EFCAB7: variants seen among roughly 807,000 people sequenced by gnomAD.
EFCAB7 encodes EF-hand calcium binding domain 7.
Under a neutral mutation model 77.1 loss-of-function variants are expected in EFCAB7, and 66 were observed. That is an observed-to-expected ratio of 0.86 (90% CI 0.70 to 1.05). The LOEUF is 1.05. Among genes scored for constraint, EFCAB7 ranks in the 50% least tolerant of loss-of-function variants. The probability of loss-of-function intolerance (pLI) is 0.00; values close to 1 mark genes in which losing one functional copy is unlikely to be tolerated. For synonymous variants in EFCAB7, 225 were observed against 243.3 expected (o/e 0.92, Z 0.70); for missense variants, 638 against 730.5 (o/e 0.87, Z 1.46).
the EFCAB7 span, among the ~76,000 whole-genome samples, chr1:63,579,352 C>T: frequency 6.6e-6 from 1 of 152,210 alleles, no homozygotes; most frequent in East Asian, 1.9e-4. Flanking sequence ...TCCTTTTATT[C>T]AGCATAATGC....
chr1:63,574,177 G>A (rs1484890732), downstream of EFCAB7, among the ~76,000 whole-genome samples: 1 of 151,784 alleles, frequency 6.6e-6, no homozygotes, highest in African/African-American at 2.4e-5. Flanking sequence ...GATGTGTAGG[G>A]AAGGGAGGGG....
chr1:63,532,993 T>G (rs745722695), intron 4 of EFCAB7, among the ~76,000 whole-genome samples: 1 of 152,124 alleles, frequency 6.6e-6, no homozygotes, highest in African/African-American at 2.4e-5. Flanking sequence ...ATATTGTGCA[T>G]GAAATTTAAT....
At chr1:63,583,938 C>CA in the EFCAB7 span, among the ~76,000 whole-genome samples, 18,346 of 82,344 alleles carry the variant, frequency 0.22, 1,959 homozygotes, top group Non-Finnish European at 0.26. Context: ...TGGATATGGC[C>CA]AAAAAAAAAA....
At chr1:63,527,379 A>C (rs1646612318) in intron 2 of EFCAB7, among the ~76,000 whole-genome samples, 1 of 152,190 alleles carries the variant, frequency 6.6e-6, no homozygotes, top group South Asian at 2.1e-4. Flanking sequence ...TTTAAAAAGG[A>C]GTAACATGAA....
the EFCAB7 span, among the ~76,000 whole-genome samples, chr1:63,583,938 CAAAAAA>C: frequency 7.3e-5 from 6 of 82,658 alleles, no homozygotes; most frequent in African/African-American, 2.8e-4. Flanking sequence ...TGGATATGGC[CAAAAAA>C]AAAAAAAAAA....
chr1:63,567,542 G>C (rs779459842), intron 11 of EFCAB7, among the ~76,000 whole-genome samples: 1 of 152,112 alleles, frequency 6.6e-6, no homozygotes, highest in Non-Finnish European at 1.5e-5. Flanking sequence ...GAGGGAGATT[G>C]GGGGGCCAGA....
Position 63,557,209 on chromosome 1 carries a change from G to A in EFCAB7, c.1310G>A (p.Gly437Asp). 7 of 1,609,780 alleles carry A rather than the reference G, an allele frequency of 4.3e-6. No individual in the cohort carries two copies. The highest frequency in any genetic ancestry group is 1.1e-5 in the South Asian group (1 of 89,748). Residue 437 changes from glycine (G) to aspartate (D), a missense_variant, in exon 10 of 14, where the codon GGT (glycine) becomes GAT (aspartate). By Grantham distance (94) the Gly-to-Asp change is moderately conservative (BLOSUM62 -1). Coordinates refer to ENST00000371088, the MANE Select transcript of EFCAB7 (RefSeq NM_032437.4). Reference sequence around the variant, plus strand: ...AATTTTTTTGAATTGAGAACAAGTGGTGAGAAATGTGATGAAGATGCTTGG... The same window carrying A: ...AATTTTTTTGAATTGAGAACAAGTGATGAGAAATGTGATGAAGATGCTTGG... ...EYNFFELRTS[G>D]EKCDEDAWAV...
intron 7 of EFCAB7, among the ~76,000 whole-genome samples, chr1:63,551,496 C>T (rs544056230): frequency 3.2e-4 from 48 of 152,058 alleles, no homozygotes; most frequent in Admixed American, 4.6e-4. Flanking sequence ...GAGGCTGAAG[C>T]AGGAGAATCG....
chr1:63,545,940 G>T lies in EFCAB7; in HGVS notation c.829G>T (p.Gly277Cys). ...IKDWQHMQSK[G>C]CFFLEEDGEI... ...GGACTGGCAACACATGCAATCAAAA[G>T]GTTGCTTCTTCTTAGAAGAAGATGG... The change falls in exon 7 of 14, where the codon GGT (glycine) becomes TGT (cysteine). Residue 277 changes from glycine (G) to cysteine (C), a missense_variant. By Grantham distance (159) the Gly-to-Cys change is radical. Transcript: ENST00000371088. 6.2e-7 allele frequency: 1 copy of T among 1,613,500 alleles called. No individual in the cohort carries two copies. The highest frequency in any genetic ancestry group is 8.5e-7 in the Non-Finnish European group (1 of 1,179,820).
chr1:63,561,769 T>A lies in EFCAB7; in HGVS notation c.1409T>A (p.Met470Lys). The change falls in exon 11 of 14, where the codon ATG (methionine) becomes AAG (lysine). Residue 470 changes from methionine (M) to lysine (K), a missense_variant. Coordinates refer to ENST00000371088, the MANE Select transcript of EFCAB7 (RefSeq NM_032437.4). The stretch of plus-strand genomic sequence containing the variant: ...CAAGGATTTATGGATTTGAATCTAA[T>A]GGAAGCTAATGATCGAGAAGGAGAT... ...TRQGFMDLNL[M>K]EANDREGDPC... is the part of the protein sequence containing the mutation. 1 of 1,610,788 alleles carries A rather than the reference T, an allele frequency of 6.2e-7. No homozygotes were observed. Among genetic ancestry groups the A allele is most frequent in the Non-Finnish European group, 8.5e-7 (1 of 1,177,690 alleles).
At chr1:63,572,048 A>G (rs1422564016) in intron 13 of EFCAB7, among the ~76,000 whole-genome samples, 1 of 152,232 alleles carries the variant, frequency 6.6e-6, no homozygotes, top group Admixed American at 6.5e-5. Flanking sequence ...AAAGCTTCCT[A>G]TTCTTACCCT....
At chr1:63,575,424 T>C (rs757837360), downstream of EFCAB7, among the ~76,000 whole-genome samples, 15 of 152,146 alleles carry the variant, frequency 9.9e-5, no homozygotes, top group Non-Finnish European at 2.1e-4. Context: ...AAAATGGATG[T>C]GTATTTCCCA....
chr1:63,556,516 G>T (rs989904157), intron 9 of EFCAB7, among the ~76,000 whole-genome samples: 2 of 152,108 alleles, frequency 1.3e-5, no homozygotes, highest in Admixed American at 1.3e-4. Flanking sequence ...TGGTAGAGAG[G>T]AAGAAGAAAG....
In EFCAB7 at chr1:63,532,687, TC is replaced by T; in HGVS notation, c.418del (p.Arg140GlufsTer4). The T allele has an allele frequency of 6.3e-7, 1 of 1,598,616 alleles. No individual in the cohort carries two copies. Among genetic ancestry groups the T allele is most frequent in the Non-Finnish European group, 8.5e-7 (1 of 1,174,628 alleles). On this transcript the variant is annotated frameshift_variant, in exon 4 of 14. Coordinates refer to ENST00000371088, the MANE Select transcript of EFCAB7 (RefSeq NM_032437.4). LOFTEE classifies it high-confidence loss of function. Reference sequence around the variant, plus strand: ...TTTTTCAGAGAGGTGAGAAGATGACTCGAGAAGAAGTAAATGCCATAATAAA... The same window carrying T: ...TTTTTCAGAGAGGTGAGAAGATGACTGAGAAGAAGTAAATGCCATAATAAA... Reference protein sequence around the residue: ...FLTKRGEKMTREEVNAIINLA... With the variant: ...FLTKRGEKMTXEEVNAIINLA...
At chr1:63,582,390 C>G in the EFCAB7 span, among the ~76,000 whole-genome samples, 1 of 152,176 alleles carries the variant, frequency 6.6e-6, no homozygotes, top group Non-Finnish European at 1.5e-5. Flanking sequence ...ATTAAGAAAA[C>G]ATAAGGACCA....
chr1:63,578,219 CTAA>C, the EFCAB7 span, among the ~76,000 whole-genome samples: 6 of 152,110 alleles, frequency 3.9e-5, no homozygotes, highest in Non-Finnish European at 7.4e-5. Flanking sequence ...AAGGTATTTT[CTAA>C]TGTTTTTCAC....
At chr1:63,577,082 G>A (rs1482270933), downstream of EFCAB7, among the ~76,000 whole-genome samples, 1 of 151,426 alleles carries the variant, frequency 6.6e-6, no homozygotes, top group East Asian at 1.9e-4. Context: ...AGGAGGCTGA[G>A]GTTGCAGTGA....
At chr1:63,585,316 C>G in the EFCAB7 span, among the ~76,000 whole-genome samples, 1 of 151,986 alleles carries the variant, frequency 6.6e-6, no homozygotes, top group Non-Finnish European at 1.5e-5. Context: ...TCAATGCAGT[C>G]TGTAGTGATA....
chr1:63,555,224 A>G (rs1647016705), intron 8 of EFCAB7, 134 bp from the exon 9 acceptor site: 3 of 1,024,952 alleles, frequency 2.9e-6, no homozygotes, highest in South Asian at 4.0e-5. Context: ...TGATAGGACT[A>G]TAATAGAATT....
Sources: allele counts gnomAD v4.1 joint callset (sites outside exome capture counted in the v4.1 genomes callset), GRCh38; gene constraint gnomAD v4.1.1; transcripts MANE v1.5; gene names NCBI Gene and HGNC (gene_info 2026-07-23, HGNC 2026-07-21).